The following NUAK2 variants were observed in gnomAD, a reference collection of about 807,000 sequenced individuals.
NUAK2 encodes the protein NUAK family SNF1-like kinase 2.
In NUAK2, 20 loss-of-function variants were observed where a neutral mutation model predicts 29.8. That is an observed-to-expected ratio of 0.67 (90% CI 0.47 to 0.98). The LOEUF (loss-of-function observed/expected upper bound fraction) is 0.98. Among genes scored for constraint, NUAK2 ranks in the 50% least tolerant of loss-of-function variants. The probability of loss-of-function intolerance (pLI) is 0.00; values close to 1 mark genes in which losing one functional copy is unlikely to be tolerated. For synonymous variants in NUAK2, 331 were observed against 342.6 expected, an observed-to-expected ratio of 0.97 and a Z score of 0.37; for missense variants, 719 against 834.5, an observed-to-expected ratio of 0.86 and a Z score of 1.71.
At chr1:205,310,195 G>T (rs1361894810) in intron 2 of NUAK2, among the ~76,000 whole-genome samples, 3 of 152,238 alleles carry the variant, frequency 2.0e-5, no homozygotes, top group South Asian at 4.1e-4. Context: ...TGTCCAGGGG[G>T]ACAGGAATAA....
chr1:205,305,160 C>A, intron 6 of NUAK2, 39 bp downstream of exon 6: 2 of 1,605,122 alleles, frequency 1.2e-6, no homozygotes, highest in Non-Finnish European at 1.7e-6. Context: ...GTGAAGGACA[C>A]CCCAGGCCTG....
At chr1:205,310,186 G>T (rs765297117) in intron 2 of NUAK2, among the ~76,000 whole-genome samples, 38 of 152,326 alleles carry the variant, frequency 2.5e-4, no homozygotes, top group Non-Finnish European at 5.0e-4. Context: ...CTGTCCTTTT[G>T]TCCAGGGGGA....
chr1:205,307,213 G>A (rs1056639786), intron 4 of NUAK2, among the ~76,000 whole-genome samples: 2 of 152,134 alleles, frequency 1.3e-5, no homozygotes, highest in Non-Finnish European at 2.9e-5. Flanking sequence ...GGGTGGGGAG[G>A]GGCTGTTTAT....
chr1:205,309,806 G>A (rs1427872171), intron 2 of NUAK2, among the ~76,000 whole-genome samples: 1 of 152,158 alleles, frequency 6.6e-6, no homozygotes. Context: ...GAGGATCCAG[G>A]GCAGGGCCTC....
rs763469795 is a variant in NUAK2 at position 205,304,051 on chromosome 1, A to C, written c.1286T>G (p.Leu429Arg). 3 of 1,614,012 alleles carry C rather than the reference A, an allele frequency of 1.9e-6. No homozygotes were observed. Among genetic ancestry groups the C allele is most frequent in the Non-Finnish European group, 2.5e-6 (3 of 1,179,974 alleles). ...CCCTGGGCTCGCAGGGATTGGGCTG[A>C]GCTCCGGAGGGTCCTCCTGTACCCC... ...AEGVQEDPPELSPIPASPGQA... is the reference protein window; with the variant it reads ...AEGVQEDPPERSPIPASPGQA... Residue 429 changes from leucine to arginine, a missense_variant, in exon 7 of 7, where the codon CTC becomes CGC. By Grantham distance (102) the Leu-to-Arg change is moderately radical. This residue lies in a region of NUAK2 where 430 missense variants were observed against 465.7 expected (regional missense o/e 0.92). Coordinates refer to ENST00000367157, the MANE Select transcript of NUAK2 (RefSeq NM_030952.3). The surrounding 1 kb of genome is among the most constrained non-coding windows in gnomAD (Gnocchi z 6.5).
chr1:205,308,531 G>C lies in NUAK2; in HGVS notation c.504+50C>G. 1.3e-6 allele frequency: 2 copies of C among 1,592,148 alleles called. No individual in the cohort carries two copies. Among genetic ancestry groups the C allele is most frequent in the Non-Finnish European group, 1.7e-6 (2 of 1,162,082 alleles). Reference sequence around the variant, plus strand: ...CTCTCTGGTCCAAAACAGCCCTAGAGCCCTGGGGACCACCCACTGAGAATA... The same window carrying C: ...CTCTCTGGTCCAAAACAGCCCTAGACCCCTGGGGACCACCCACTGAGAATA... On this transcript the variant is annotated intron_variant, in intron 3 of 6. Transcript: ENST00000367157. This position sits in a 1 kb window ranked among gnomAD's most constrained non-coding sequence, Gnocchi z 4.1.
intron 1 of NUAK2, among the ~76,000 whole-genome samples, chr1:205,317,517 G>A (rs539757503): frequency 9.8e-5 from 15 of 152,336 alleles, no homozygotes; most frequent in African/African-American, 3.1e-4. Context: ...CAGAGAGCTA[G>A]GCAGGGATCA....
intron 1 of NUAK2, among the ~76,000 whole-genome samples, chr1:205,319,975 T>C (rs1662387458): frequency 6.6e-6 from 1 of 150,848 alleles, no homozygotes; most frequent in Non-Finnish European, 1.5e-5. Flanking sequence ...AGCACCCAAC[T>C]GGATTTGGCA....
intron 1 of NUAK2, among the ~76,000 whole-genome samples, chr1:205,313,790 G>T (rs1662287114): frequency 6.6e-6 from 1 of 151,832 alleles, no homozygotes; most frequent in African/African-American, 2.4e-5. Flanking sequence ...GGCTAGGTGG[G>T]AGCTGGGTGG....
chr1:205,308,294 G>T lies in NUAK2; in HGVS notation c.505-64C>A, dbSNP rs376414838. 1.6e-6 allele frequency: 2 copies of T among 1,248,652 alleles called. No individual in the cohort carries two copies. Among genetic ancestry groups the T allele is most frequent in the Non-Finnish European group, 2.3e-6 (2 of 882,538 alleles). 77.3% of individuals were successfully genotyped at this position (1,248,652 alleles called of 1,614,324 possible). On this transcript the variant is annotated intron_variant, in intron 3 of 6. Transcript: ENST00000367157. This position sits in a 1 kb window ranked among gnomAD's most constrained non-coding sequence, Gnocchi z 4.1. ...GGAAGGGAAGATGATGAGGGGCCCA[G>T]TCTGGAGACTGAGGTAAACACAAAG...
At chr1:205,313,633 T>C (rs1353787893) in intron 1 of NUAK2, among the ~76,000 whole-genome samples, 1 of 150,110 alleles carries the variant, frequency 6.7e-6, no homozygotes, top group East Asian at 1.9e-4. Flanking sequence ...ACTGTCCCCC[T>C]GGGCCAGTCC....
At chr1:205,312,853 A>G (rs900836384) in intron 1 of NUAK2, among the ~76,000 whole-genome samples, 2 of 152,204 alleles carry the variant, frequency 1.3e-5, no homozygotes, top group Non-Finnish European at 2.9e-5. Context: ...TGGTACGTCC[A>G]TAGGATGGAA....
chr1:205,306,043 C>T, intron 5 of NUAK2, 145 bp downstream of exon 5: 3 of 1,130,600 alleles, frequency 2.7e-6, no homozygotes, highest in Non-Finnish European at 3.8e-6. Context: ...CCTGGCTAGA[C>T]ACCTGGCAAG....
At chr1:205,311,677 A>C in intron 2 of NUAK2, 28 bp downstream of exon 2, 1 of 1,613,548 alleles carries the variant, frequency 6.2e-7, no homozygotes, top group East Asian at 2.2e-5. Context: ...ATAGACCCCC[A>C]AGTTCCAGCT....
Position 205,303,972 on chromosome 1 carries a change from G to A in NUAK2, c.1365C>T (p.Arg455=), listed in dbSNP as rs56091501. Residue 455 remains arginine (R), a synonymous_variant, in exon 7 of 7, where the codon CGC becomes CGT. Coordinates refer to ENST00000367157, the MANE Select transcript of NUAK2 (RefSeq NM_030952.3). ...CGGGAGAGGAGTAGTAGCCAGACTC[G>A]CGCTGTCGGGGCTTCTTGAGAATGC... The part of the protein sequence containing the change: ...KKGILKKPRQ[R]ESGYYSSPEP... 82,988 of 1,613,880 alleles carry A rather than the reference G, an allele frequency of 0.051. 2,479 individuals are homozygous for A. Among genetic ancestry groups the A allele is most frequent in the Non-Finnish European group, 0.06 (70,706 of 1,179,960 alleles).
chr1:205,304,027 C>T lies in NUAK2; in HGVS notation c.1310G>A (p.Gly437Glu), dbSNP rs1175115243. Reference sequence around the variant, plus strand: ...CTTGGGGAGCAGGGGGGCAGCCTGCCCTGGGCTCGCAGGGATTGGGCTGAG... The same window carrying T: ...CTTGGGGAGCAGGGGGGCAGCCTGCTCTGGGCTCGCAGGGATTGGGCTGAG... ...PELSPIPASP[G>E]QAAPLLPKKG... The change falls in exon 7 of 7, where the codon GGG becomes GAG. Residue 437 changes from glycine to glutamate, a missense_variant. Gly to Glu is a moderately conservative substitution (Grantham distance 98, BLOSUM62 -2). Transcript: ENST00000367157. The surrounding 1 kb of genome is among the most constrained non-coding windows in gnomAD (Gnocchi z 6.5). The T allele has an allele frequency of 1.9e-6, 3 of 1,613,810 alleles. No individual in the cohort carries two copies. The highest frequency in any genetic ancestry group is 1.1e-5 in the South Asian group (1 of 91,084).
intron 4 of NUAK2, among the ~76,000 whole-genome samples, chr1:205,307,420 G>A (rs1160507149): frequency 6.6e-6 from 1 of 152,148 alleles, no homozygotes; most frequent in African/African-American, 2.4e-5. Flanking sequence ...CCTGCTCCGG[G>A]AATTGGCTGG....
intron 2 of NUAK2, among the ~76,000 whole-genome samples, chr1:205,311,081 C>T (rs989103615): frequency 6.6e-6 from 1 of 152,166 alleles, no homozygotes; most frequent in African/African-American, 2.4e-5. Context: ...CCTTCGTCAC[C>T]CTCTCTTGCT....
chr1:205,306,978 G>T (rs1445127100), intron 4 of NUAK2, among the ~76,000 whole-genome samples: 1 of 152,160 alleles, frequency 6.6e-6, no homozygotes, highest in African/African-American at 2.4e-5. Context: ...AGGAACCTGG[G>T]GTCAGCCCAA....
Sources: gnomAD v4.1 joint callset for allele counts (sites outside exome capture counted in the v4.1 genomes callset) on GRCh38, gnomAD v4.1.1 for gene constraint, gnomAD v4.1.1 regional missense constraint, Gnocchi (gnomAD v3.1) non-coding constraint, MANE v1.5 for transcripts, NCBI Gene and HGNC (gene_info 2026-07-23, HGNC 2026-07-21) for gene names.